FBXW2: variants seen among roughly 807,000 people sequenced by gnomAD.
FBXW2 encodes the protein F-box/WD repeat-containing protein 2.
Under a neutral mutation model 46.0 loss-of-function variants are expected in FBXW2, and 12 were observed. That is an observed-to-expected ratio of 0.26 (90% CI 0.17 to 0.42). The LOEUF (loss-of-function observed/expected upper bound fraction) is 0.42, where lower values mean the gene tolerates loss of function less well. Ranked by LOEUF, FBXW2 falls within the 10% of genes least tolerant of loss-of-function variation. The pLI is 1.00. For synonymous variants in FBXW2, 203 were observed against 209.6 expected (o/e 0.97, Z 0.27); for missense variants, 360 against 537.0 (o/e 0.67, Z 3.26).
chr9:120,788,727 T>C (rs983167250), intron 2 of FBXW2, among the ~76,000 whole-genome samples: 4 of 152,194 alleles, frequency 2.6e-5, no homozygotes, highest in Non-Finnish European at 5.9e-5. Context: ...AGCACCAGGA[T>C]GTGACAATCA....
intron 5 of FBXW2, 71 bp from the exon 6 acceptor site, chr9:120,772,911 T>A: frequency 1.9e-6 from 2 of 1,080,130 alleles, no homozygotes; most frequent in Admixed American, 2.2e-5. Context: ...TTCTTTAAAT[T>A]AAAATACAAA....
intron 5 of FBXW2, among the ~76,000 whole-genome samples, chr9:120,775,247 T>C (rs1265662669): frequency 2.0e-5 from 3 of 152,206 alleles, no homozygotes; most frequent in Non-Finnish European, 4.4e-5. Context: ...TTTCACCATG[T>C]TGGCCAGGCT....
At chr9:120,792,983 G>A in intron 2 of FBXW2, 166 bp downstream of exon 2, 1 of 1,533,012 alleles carries the variant, frequency 6.5e-7, no homozygotes, top group Non-Finnish European at 8.7e-7. Context: ...ACGTTTGGTA[G>A]CCCTGGGACA....
intron 7 of FBXW2, among the ~76,000 whole-genome samples, chr9:120,768,714 C>T (rs1427015333): frequency 6.6e-6 from 1 of 151,844 alleles, no homozygotes; most frequent in Non-Finnish European, 1.5e-5. Flanking sequence ...TCCAGCTACT[C>T]GGGAGGCTGA....
chr9:120,784,797 T>C (rs1317838460), intron 3 of FBXW2, among the ~76,000 whole-genome samples: 2 of 151,246 alleles, frequency 1.3e-5, no homozygotes, highest in East Asian at 4.0e-4. Context: ...GGCGCGTGCC[T>C]GTAATGCCAG....
intron 7 of FBXW2, among the ~76,000 whole-genome samples, chr9:120,767,788 C>T (rs757473658): frequency 2.0e-5 from 3 of 152,104 alleles, no homozygotes; most frequent in Admixed American, 6.6e-5. Flanking sequence ...ATCCAATTCT[C>T]CTCCTCCTCC....
intron 4 of FBXW2, among the ~76,000 whole-genome samples, chr9:120,778,143 C>G (rs373758292): frequency 6.6e-6 from 1 of 151,386 alleles, no homozygotes; most frequent in Non-Finnish European, 1.5e-5. Flanking sequence ...CAGAAGGGTA[C>G]ACACATAGAA....
intron 2 of FBXW2, 175 bp downstream of exon 2, chr9:120,792,974 C>A (rs1321452752): frequency 1.9e-5 from 29 of 1,533,842 alleles, no homozygotes; most frequent in Non-Finnish European, 2.5e-5. Context: ...GTCTTTCAAA[C>A]GTTTGGTAGC....
At chr9:120,778,589 TA>T (rs1037268401) in intron 3 of FBXW2, 44 bp from the exon 4 acceptor site, 1 of 1,533,338 alleles carries the variant, frequency 6.5e-7, no homozygotes, top group African/African-American at 1.4e-5. Flanking sequence ...ACAAACACAC[TA>T]AAGAAGGAAA....
intron 3 of FBXW2, among the ~76,000 whole-genome samples, chr9:120,785,149 C>G (rs2044693896): frequency 6.6e-6 from 1 of 151,804 alleles, no homozygotes; most frequent in Non-Finnish European, 1.5e-5. Context: ...GTTGGGACCA[C>G]AGGTGTGAGC....
At chr9:120,784,950 T>C (rs2131362072) in intron 3 of FBXW2, among the ~76,000 whole-genome samples, 1 of 150,058 alleles carries the variant, frequency 6.7e-6, no homozygotes, top group South Asian at 2.1e-4. Context: ...TACAGGTGGT[T>C]GTGAAAAAAT....
At chr9:120,787,005 G>A (rs1324914083) in intron 3 of FBXW2, among the ~76,000 whole-genome samples, 1 of 152,086 alleles carries the variant, frequency 6.6e-6, no homozygotes, top group Non-Finnish European at 1.5e-5. Flanking sequence ...TTCAGAGCAA[G>A]GAAGAAATAT....
At chr9:120,765,455 C>G (rs1370449045) in intron 7 of FBXW2, among the ~76,000 whole-genome samples, 1 of 152,176 alleles carries the variant, frequency 6.6e-6, no homozygotes, top group Admixed American at 6.5e-5. Context: ...TTACAGATAA[C>G]ATTTAACTAA....
In FBXW2 at chr9:120,759,730, T is replaced by C. The variant is rs1301017216; in HGVS notation, c.*4829A>G. The C allele has an allele frequency of 1.3e-5, 2 of 152,234 alleles. No homozygotes were observed. Among genetic ancestry groups the C allele is most frequent in the Non-Finnish European group, 2.9e-5 (2 of 68,050 alleles). The allele number at this position is 152,234 out of a possible 1,614,324, so 9.4% of individuals were successfully genotyped here. Reference sequence around the variant, plus strand: ...ACACATATTTACTTGGGCACATTTATGAAGAGTAGAAGTAGCTGAATTCTT... The same window carrying C: ...ACACATATTTACTTGGGCACATTTACGAAGAGTAGAAGTAGCTGAATTCTT... On this transcript the variant is annotated 3_prime_UTR_variant, in exon 8 of 8. Coordinates refer to ENST00000608872, the MANE Select transcript of FBXW2 (RefSeq NM_012164.4).
intron 3 of FBXW2, among the ~76,000 whole-genome samples, chr9:120,782,446 C>G (rs1260802411): frequency 6.6e-6 from 1 of 151,190 alleles, no homozygotes; most frequent in African/African-American, 2.5e-5. Flanking sequence ...GCCTGGGCAC[C>G]AAATTGAGAC....
At chr9:120,792,041 C>T (rs961035327) in intron 2 of FBXW2, among the ~76,000 whole-genome samples, 3 of 152,178 alleles carry the variant, frequency 2.0e-5, no homozygotes, top group African/African-American at 7.2e-5. Context: ...TAAACATTAT[C>T]TCATTTCATC....
chr9:120,787,968 C>A lies in FBXW2; in HGVS notation c.291G>T (p.Val97=). The A allele has an allele frequency of 1.9e-6, 3 of 1,614,238 alleles. No homozygotes were observed. The highest frequency in any genetic ancestry group is 2.5e-6 in the Non-Finnish European group (3 of 1,180,054). ...CCAAATTTTTACATGCAGTCTGCCACACCTCTGTACAGGCACTTATCACCT... is the reference window on the plus strand; with the variant it reads ...CCAAATTTTTACATGCAGTCTGCCAAACCTCTGTACAGGCACTTATCACCT... ...WNKVISACTE[V]WQTACKNLGW... Residue 97 remains valine, a synonymous_variant, in exon 3 of 8, where the codon GTG becomes GTT. Coordinates refer to ENST00000608872, the MANE Select transcript of FBXW2 (RefSeq NM_012164.4).
At chr9:120,791,346 G>A (rs2044836407) in intron 2 of FBXW2, among the ~76,000 whole-genome samples, 1 of 152,212 alleles carries the variant, frequency 6.6e-6, no homozygotes, top group Non-Finnish European at 1.5e-5. Context: ...GGACACAGAG[G>A]CAGAATGTGA....
Position 120,764,412 on chromosome 9 carries a change from C to T in FBXW2, c.*147G>A. ...CCTCCCCCACCCCGAGCCCTGGCCCCTGGCAAAACATAGATAAATGATTGT... is the reference window on the plus strand; with the variant it reads ...CCTCCCCCACCCCGAGCCCTGGCCCTTGGCAAAACATAGATAAATGATTGT... On this transcript the variant is annotated 3_prime_UTR_variant, in exon 8 of 8. Coordinates refer to ENST00000608872, the MANE Select transcript of FBXW2 (RefSeq NM_012164.4). The T allele has an allele frequency of 1.1e-6, 1 of 952,018 alleles. No homozygotes were observed. The highest frequency in any genetic ancestry group is 1.6e-6 in the Non-Finnish European group (1 of 638,738). 59.0% of individuals were successfully genotyped at this position (952,018 alleles called of 1,614,324 possible). A position where few individuals can be genotyped will look rare whatever the true frequency, so the allele number is the denominator to read the frequency against.
Sources: allele counts gnomAD v4.1 joint callset (sites outside exome capture counted in the v4.1 genomes callset), GRCh38; gene constraint gnomAD v4.1.1; transcripts MANE v1.5; gene names NCBI Gene and HGNC (gene_info 2026-07-23, HGNC 2026-07-21).